Variants in CNTNAP2 observed in about 807,000 individuals in gnomAD.
The protein encoded by CNTNAP2 is contactin-associated protein-like 2.
In CNTNAP2, 98 loss-of-function variants were observed where a neutral mutation model predicts 155.2. The observed-to-expected ratio is 0.63, with a 90% CI of 0.54 to 0.75. The LOEUF (loss-of-function observed/expected upper bound fraction) is 0.75. CNTNAP2 is among the 30% of genes least tolerant of loss of function. The pLI, the probability that CNTNAP2 is intolerant of heterozygous loss-of-function variation, is 0.00. For missense variants in CNTNAP2, 1,727 were observed against 1,688.1 expected (o/e 1.02, Z -0.40); for synonymous variants, 651 against 631.2 (o/e 1.03, Z -0.47).
At chr7:147,056,977 T>C (rs1018797982) in intron 4 of CNTNAP2, among the ~76,000 whole-genome samples, 1 of 151,840 alleles carries the variant, frequency 6.6e-6, no homozygotes, top group Admixed American at 6.6e-5. Context: ...GGGTTATTTT[T>C]TTTTTGGTTT....
chr7:147,607,588 T>C (rs1373675053), intron 12 of CNTNAP2, among the ~76,000 whole-genome samples: 1 of 152,160 alleles, frequency 6.6e-6, no homozygotes, highest in Non-Finnish European at 1.5e-5. Flanking sequence ...ATTGCTTGGA[T>C]GTGTTTAATC....
intron 1 of CNTNAP2, among the ~76,000 whole-genome samples, chr7:146,633,849 A>C (rs971280574): frequency 5.0e-4 from 75 of 151,236 alleles, no homozygotes; most frequent in East Asian, 4.5e-3. Context: ...AAAAAAAAAA[A>C]AAAAAAACAG....
intron 14 of CNTNAP2, among the ~76,000 whole-genome samples, chr7:147,940,627 T>G (rs1012843074): frequency 3.9e-5 from 6 of 152,140 alleles, no homozygotes; most frequent in Non-Finnish European, 7.4e-5. Context: ...CTTAACCTTC[T>G]GGGCTCAAGG....
intron 1 of CNTNAP2, among the ~76,000 whole-genome samples, chr7:146,550,401 GTTTTTTTTTTTTTT>G (rs10673467): frequency 9.2e-5 from 5 of 54,382 alleles, no homozygotes; most frequent in Admixed American, 2.7e-4. Context: ...CCATTAATCT[GTTTTTTTTTTTTTT>G]TTTTTTTTTT....
chr7:146,849,328 C>T (rs948831753), intron 3 of CNTNAP2, among the ~76,000 whole-genome samples: 4 of 152,116 alleles, frequency 2.6e-5, no homozygotes, highest in Non-Finnish European at 5.9e-5. Context: ...AGGCTGAGAA[C>T]CATGATGTCC....
At chr7:146,904,761 G>T (rs773143294) in intron 3 of CNTNAP2, among the ~76,000 whole-genome samples, 1 of 152,168 alleles carries the variant, frequency 6.6e-6, no homozygotes, top group Non-Finnish European at 1.5e-5. Context: ...GTGAGCCACC[G>T]CGTCCGGCCG....
intron 13 of CNTNAP2, among the ~76,000 whole-genome samples, chr7:147,770,304 G>T (rs2116534287): frequency 6.6e-6 from 1 of 152,164 alleles, no homozygotes; most frequent in South Asian, 2.1e-4. Context: ...TTGCCTAAAA[G>T]TTCTATTTCA....
intron 13 of CNTNAP2, among the ~76,000 whole-genome samples, chr7:147,678,458 T>C (rs1260253424): frequency 6.6e-6 from 1 of 151,970 alleles, no homozygotes; most frequent in Non-Finnish European, 1.5e-5. Flanking sequence ...GATTATTTGC[T>C]ATATTAATCA....
chr7:147,427,860 A>T (rs946143460), intron 10 of CNTNAP2, among the ~76,000 whole-genome samples: 1 of 152,120 alleles, frequency 6.6e-6, no homozygotes, highest in Non-Finnish European at 1.5e-5. Flanking sequence ...ACATACCCCA[A>T]CTGTTTGTTT....
chr7:146,802,655 C>G (rs988262198), intron 2 of CNTNAP2, among the ~76,000 whole-genome samples: 1 of 152,118 alleles, frequency 6.6e-6, no homozygotes, highest in African/African-American at 2.4e-5. Context: ...CTTCACCATC[C>G]GCCATGATTG....
chr7:147,264,537 C>CG (rs11449259), intron 8 of CNTNAP2, among the ~76,000 whole-genome samples: 150,884 of 150,914 alleles, frequency 1, 75,427 homozygotes, highest in Middle Eastern at 1. Flanking sequence ...CTGGTCCCTG[C>CG]GGGCCTGTGC....
At chr7:146,196,100 G>T (rs896573416) in intron 1 of CNTNAP2, among the ~76,000 whole-genome samples, 2 of 152,132 alleles carry the variant, frequency 1.3e-5, no homozygotes, top group African/African-American at 4.8e-5. Flanking sequence ...GTAATAACAA[G>T]AAGTTTGCAT....
chr7:146,286,153 GC>G (rs1372785562), intron 1 of CNTNAP2, among the ~76,000 whole-genome samples: 3 of 149,772 alleles, frequency 2.0e-5, no homozygotes, highest in African/African-American at 7.4e-5. Flanking sequence ...GGTGGGGAAA[GC>G]ATGGGAGATT....
At chr7:146,555,983 AG>A (rs1372878797) in intron 1 of CNTNAP2, among the ~76,000 whole-genome samples, 1 of 152,212 alleles carries the variant, frequency 6.6e-6, no homozygotes, top group Non-Finnish European at 1.5e-5. Context: ...AAAAGAGAGC[AG>A]GTTTCCACAC....
chr7:147,381,561 G>A (rs184275876), intron 9 of CNTNAP2, among the ~76,000 whole-genome samples: 1 of 152,044 alleles, frequency 6.6e-6, no homozygotes, highest in African/African-American at 2.4e-5. Flanking sequence ...TCATGAAAAA[G>A]ACTATGTAAA....
intron 10 of CNTNAP2, among the ~76,000 whole-genome samples, chr7:147,421,836 T>C (rs1584939290): frequency 1.3e-5 from 2 of 152,130 alleles, no homozygotes; most frequent in Non-Finnish European, 2.9e-5. Flanking sequence ...TTTAGAGGTG[T>C]GTGGCACTGC....
intron 1 of CNTNAP2, among the ~76,000 whole-genome samples, chr7:146,516,251 G>A (rs1465265622): frequency 6.6e-6 from 1 of 151,992 alleles, no homozygotes; most frequent in East Asian, 1.9e-4. Flanking sequence ...AGCACATGGT[G>A]CCAGATTGAG....
chr7:148,002,888 G>T (rs1345671913), intron 15 of CNTNAP2, among the ~76,000 whole-genome samples: 1 of 152,074 alleles, frequency 6.6e-6, no homozygotes, highest in Non-Finnish European at 1.5e-5. Flanking sequence ...ATTAGGAATG[G>T]CTACTGTGTA....
intron 1 of CNTNAP2, among the ~76,000 whole-genome samples, chr7:146,192,664 C>G (rs1798723758): frequency 6.6e-6 from 1 of 152,104 alleles, no homozygotes; most frequent in African/African-American, 2.4e-5. Context: ...ATTATGGGAG[C>G]TACAATTCAA....
Sources: gnomAD v4.1 joint callset for allele counts (sites outside exome capture counted in the v4.1 genomes callset) on GRCh38, gnomAD v4.1.1 for gene constraint, MANE v1.5 for transcripts, NCBI Gene and HGNC (gene_info 2026-07-23, HGNC 2026-07-21) for gene names.